TSC2: variants seen among roughly 807,000 people sequenced by gnomAD.
The protein encoded by TSC2 is tuberin.
A neutral mutation model predicts 202.2 loss-of-function variants in TSC2; 29 were observed. The ratio of observed to expected loss-of-function variants is 0.14; its 90% CI spans 0.11 to 0.20. TSC2 has a LOEUF of 0.20. Among genes scored for constraint, TSC2 ranks in the 10% least tolerant of loss-of-function variants. The pLI, the probability that TSC2 is intolerant of heterozygous loss-of-function variation, is 1.00. For missense variants in TSC2, 2,429 were observed against 2,420.0 expected (o/e 1.00, Z -0.08); for synonymous variants, 1,349 against 1,044.0 (o/e 1.29, Z -5.63).
At chr16:2,056,335 G>T in intron 7 of TSC2, 91 bp downstream of exon 7, 1 of 1,558,240 alleles carries the variant, frequency 6.4e-7, no homozygotes. Context: ...GCCACCTGCT[G>T]GCTGTGTAGC....
intron 9 of TSC2, among the ~76,000 whole-genome samples, chr16:2,058,170 G>A (rs146697437): frequency 4.7e-4 from 61 of 129,126 alleles, no homozygotes; most frequent in Non-Finnish European, 8.0e-4. Context: ...CAGGCCCTGG[G>A]GGCCAGCCCT....
At position 2,082,510 on chromosome 16, in the gene TSC2, G is replaced by T; in HGVS notation, c.3883+6G>T. 1 of 1,610,850 alleles carries T rather than the reference G, an allele frequency of 6.2e-7. No homozygotes were observed. The highest frequency in any genetic ancestry group is 1.3e-5 in the African/African-American group (1 of 75,056). ...CAGGAGCGTTTCCTGGGCAGGTATC[G>T]CCTCTCAGAGGGAAGCGGTTGGCTG... On this transcript the variant is annotated splice_donor_region_variant and intron_variant, in intron 32 of 41. Coordinates refer to ENST00000219476, the MANE Select transcript of TSC2 (RefSeq NM_000548.5).
At chr16:2,069,257 G>A (rs1199650658) in intron 16 of TSC2, among the ~76,000 whole-genome samples, 2 of 152,138 alleles carry the variant, frequency 1.3e-5, no homozygotes, top group Admixed American at 6.5e-5. Flanking sequence ...TTTTTTGTCC[G>A]AGGAAGGGAT....
rs1408228669 is a variant in TSC2 at position 2,071,595 on chromosome 16, C to A, written c.1925C>A (p.Pro642His). ...AAGGATGGAGTCGTGCGGTTCAGCC[C>A]CTACTGCGTCTGCGACTACATGTAC... is the stretch of plus-strand genomic sequence containing the variant. ...PNKDGVVRFSPYCVCDYMEPE... is the reference protein window; with the variant it reads ...PNKDGVVRFSHYCVCDYMEPE... The change falls in exon 18 of 42, where the codon CCC (proline) becomes CAC (histidine). Residue 642 changes from proline to histidine, a missense_variant. Pro to His is a moderately conservative substitution (Grantham distance 77). Coordinates refer to ENST00000219476, the MANE Select transcript of TSC2 (RefSeq NM_000548.5). 2 of 1,613,444 alleles carry A rather than the reference C, an allele frequency of 1.2e-6. No homozygotes were observed. The highest frequency in any genetic ancestry group is 1.3e-5 in the African/African-American group (1 of 75,072).
intron 5 of TSC2, 160 bp from the exon 6 acceptor site, chr16:2,055,242 T>A (rs953900876): frequency 2.8e-6 from 2 of 714,892 alleles, no homozygotes; most frequent in Non-Finnish European, 5.1e-6. Flanking sequence ...CCCCTGAGCC[T>A]CTTCGGGCCC....
In TSC2 at chr16:2,081,764, G is replaced by A. The variant is rs199742312; in HGVS notation, c.3780G>A (p.Thr1260=). ...YKSLSVPAAS[T]AKPPPLPRSN... is the part of the protein sequence containing the mutation. ...CACTGTCGGTGCCGGCAGCCAGCAC[G>A]GCCAAACCCCCTCCTCTGCCTCGCT... The change falls in exon 31 of 42, where the codon ACG becomes ACA. Residue 1260 remains threonine (T), a synonymous_variant. Transcript: ENST00000219476. The A allele has an allele frequency of 1.1e-5, 17 of 1,612,612 alleles. No individual in the cohort carries two copies. Among genetic ancestry groups the A allele is most frequent in the South Asian group, 6.6e-5 (6 of 91,076 alleles).
In TSC2 at chr16:2,081,638, T is replaced by C. The variant is rs746563588; in HGVS notation, c.3654T>C (p.Pro1218=). Residue 1218 remains proline (P), a synonymous_variant, in exon 31 of 42, where the codon CCT becomes CCC. Coordinates refer to ENST00000219476, the MANE Select transcript of TSC2 (RefSeq NM_000548.5). ...WLMSLENPLS[P]FSSDINNMPL... is the part of the protein sequence containing the mutation. ...TGAGCCTGGAGAACCCGCTCAGCCCTTTCTCCTCGGACATCAACAACATGC... is the reference window on the plus strand; with the variant it reads ...TGAGCCTGGAGAACCCGCTCAGCCCCTTCTCCTCGGACATCAACAACATGC... 6.2e-7 allele frequency: 1 copy of C among 1,612,818 alleles called. No homozygotes were observed. The highest frequency in any genetic ancestry group is 1.3e-5 in the African/African-American group (1 of 74,942).
chr16:2,073,015 A>G (rs1349777108), intron 21 of TSC2, 32 bp downstream of exon 21: 2 of 1,612,842 alleles, frequency 1.2e-6, no homozygotes. Flanking sequence ...GGCGAGCTTG[A>G]TGGGGCCTGG....
chr16:2,084,510 T>C lies in TSC2; in HGVS notation c.4288T>C (p.Trp1430Arg), dbSNP rs1596417336. Residue 1430 changes from tryptophan to arginine, a missense_variant, in exon 34 of 42, where the codon TGG (tryptophan) becomes CGG (arginine). By Grantham distance (101) the Trp-to-Arg change is moderately radical (BLOSUM62 -3). Coordinates refer to ENST00000219476, the MANE Select transcript of TSC2 (RefSeq NM_000548.5). Reference protein sequence around the residue: ...SGTLDGESAAWSASGEDSRGQ... With the variant: ...SGTLDGESAARSASGEDSRGQ... ...GACCCTGGACGGGGAAAGTGCTGCC[T>C]GGTCGGCCTCGGGCGAAGACAGTCG... 1.2e-6 allele frequency: 2 copies of C among 1,609,422 alleles called. No individual in the cohort carries two copies. Among genetic ancestry groups the C allele is most frequent in the Non-Finnish European group, 1.7e-6 (2 of 1,178,814 alleles).
Position 2,071,931 on chromosome 16 carries a change from G to A in TSC2, c.2094G>A (p.Lys698=), listed in dbSNP as rs752256613. 1.3e-6 allele frequency: 2 copies of A among 1,578,982 alleles called. No homozygotes were observed. The highest frequency in any genetic ancestry group is 1.1e-5 in the South Asian group (1 of 87,090). ...TCCGCGTCCTGCTGCAGTGCTTGAA[G>A]CAGGTGAGTGGGGCCGGGCAGGGAC... is the stretch of plus-strand genomic sequence containing the variant. ...LLFRVLLQCL[K]QESDWKVLKL... is the part of the protein sequence containing the mutation. Residue 698 remains lysine, a synonymous_variant, in exon 19 of 42, where the codon AAG becomes AAA. Coordinates refer to ENST00000219476, the MANE Select transcript of TSC2 (RefSeq NM_000548.5).
chr16:2,050,892 G>T (rs2085027387), intron 3 of TSC2, among the ~76,000 whole-genome samples: 1 of 152,004 alleles, frequency 6.6e-6, no homozygotes, highest in Non-Finnish European at 1.5e-5. Context: ...CAGCCAGTTT[G>T]CACTGTTTTA....
In TSC2 at chr16:2,055,636, T is replaced by G. The variant is rs1203975756; in HGVS notation, c.599+117T>G. 3.0e-6 allele frequency: 3 copies of G among 998,742 alleles called. No individual in the cohort carries two copies. The African/African-American group carries it at 4.8e-5, about 16-fold the overall frequency. 61.9% of individuals were successfully genotyped at this position (998,742 alleles called of 1,614,324 possible). A position where few individuals can be genotyped will look rare whatever the true frequency, so the allele number is the denominator to read the frequency against. ...GGCTGGGCACAATGGCTCACGCCTG[T>G]AATCTCAGCACTTTGGGAGGCCGAG... On this transcript the variant is annotated intron_variant, in intron 6 of 41. Coordinates refer to ENST00000219476, the MANE Select transcript of TSC2 (RefSeq NM_000548.5).
chr16:2,062,557 G>T lies in TSC2; in HGVS notation c.1318G>T (p.Gly440Cys), dbSNP rs45484298. 6.2e-7 allele frequency: 1 copy of T among 1,612,338 alleles called. No individual in the cohort carries two copies. Among genetic ancestry groups the T allele is most frequent in the Non-Finnish European group, 8.5e-7 (1 of 1,179,192 alleles). ...GCAGTCCATCCACCCGGCCAAGGAC[G>T]GCTGGATTCAGAACCTGCAGGCGCT... ...RAQSIHPAKD[G>C]WIQNLQALME... The change falls in exon 13 of 42, where the codon GGC (glycine) becomes TGC (cysteine). Residue 440 changes from glycine (G) to cysteine (C), a missense_variant. Gly to Cys is a radical substitution (Grantham distance 159, BLOSUM62 -3). Transcript: ENST00000219476.
intron 30 of TSC2, chr16:2,081,386 C>G: frequency 1.5e-6 from 1 of 656,314 alleles, no homozygotes; most frequent in Non-Finnish European, 2.7e-6. Context: ...TCTGAGGTGC[C>G]TGGCGGAGCC....
intron 15 of TSC2, 98 bp from the exon 16 acceptor site, chr16:2,065,412 CAAAAAAAAA>C (rs369052665): frequency 3.0e-5 from 13 of 426,948 alleles, no homozygotes; most frequent in Non-Finnish European, 4.2e-5. Context: ...GACTCGATCT[CAAAAAAAAA>C]AAAAAAAAAA....
At chr16:2,059,007 C>T in intron 10 of TSC2, 134 bp downstream of exon 10, 2 of 1,412,222 alleles carry the variant, frequency 1.4e-6, no homozygotes, top group Non-Finnish European at 9.7e-7. Context: ...AGTTGCTTTG[C>T]AGCTGGGGGT....
chr16:2,071,637 G>C (rs369300417), intron 18 of TSC2, 21 bp downstream of exon 18: 2 of 1,612,646 alleles, frequency 1.2e-6, no homozygotes, highest in Admixed American at 1.7e-5. Flanking sequence ...CCTCGCCCAC[G>C]GCCCATGAGG....
intron 20 of TSC2, chr16:2,072,581 A>G: frequency 2.4e-6 from 2 of 824,994 alleles, no homozygotes; most frequent in South Asian, 1.8e-5. Context: ...GTCCCCAGCC[A>G]AGGGCATGTC....
intron 32 of TSC2, 169 bp from the exon 33 acceptor site, chr16:2,083,526 C>G: frequency 8.2e-7 from 1 of 1,213,576 alleles, no homozygotes; most frequent in South Asian, 1.3e-5. Context: ...TGCAGGCCTT[C>G]CCAGCGTCCT....
Sources: allele counts gnomAD v4.1 joint callset (sites outside exome capture counted in the v4.1 genomes callset), GRCh38; gene constraint gnomAD v4.1.1; transcripts MANE v1.5; gene names NCBI Gene and HGNC (gene_info 2026-07-23, HGNC 2026-07-21).